Variants in DGLUCY observed in about 807,000 individuals in gnomAD.
DGLUCY encodes the protein D-glutamate cyclase, mitochondrial.
Under a neutral mutation model 58.5 loss-of-function variants are expected in DGLUCY, and 58 were observed. The ratio of observed to expected loss-of-function variants is 0.99; its 90% CI spans 0.80 to 1.23. The LOEUF is 1.23. DGLUCY is among the 50% of genes most tolerant of loss of function. DGLUCY has a pLI of 0.00. For missense variants in DGLUCY, 779 were observed against 784.7 expected (o/e 0.99, Z 0.09); for synonymous variants, 325 against 314.1 (o/e 1.03, Z -0.37).
intron 3 of DGLUCY, among the ~76,000 whole-genome samples, chr14:91,164,461 A>G (rs972483331): frequency 6.6e-6 from 1 of 152,078 alleles, no homozygotes; most frequent in Non-Finnish European, 1.5e-5. Flanking sequence ...ATCTGGGCTT[A>G]TTTGTAGTCC....
chr14:91,133,547 T>A (rs1186900691), intron 1 of DGLUCY, among the ~76,000 whole-genome samples: 1 of 152,180 alleles, frequency 6.6e-6, no homozygotes, highest in Non-Finnish European at 1.5e-5. Flanking sequence ...ATGTTTAATT[T>A]TTAAAAATTA....
chr14:91,127,906 C>A (rs184671714), intron 1 of DGLUCY, among the ~76,000 whole-genome samples: 1 of 151,760 alleles, frequency 6.6e-6, no homozygotes, highest in African/African-American at 2.4e-5. Context: ...GGCAGCACAC[C>A]CCAGGCACCT....
At chr14:91,085,363 C>A (rs534515026) in intron 1 of DGLUCY, among the ~76,000 whole-genome samples, 4 of 152,118 alleles carry the variant, frequency 2.6e-5, no homozygotes, top group African/African-American at 9.6e-5. Flanking sequence ...CTTCAAGGGC[C>A]AACTCAAAGG....
At chr14:91,071,331 C>A (rs1595606421) in intron 1 of DGLUCY, among the ~76,000 whole-genome samples, 2 of 104,292 alleles carry the variant, frequency 1.9e-5, no homozygotes, top group African/African-American at 3.4e-5. Context: ...AGCGAGATTC[C>A]ACCAAAAAAA....
In DGLUCY at chr14:91,170,208, ACACAGCC is replaced by A. The variant is rs770752089; in HGVS notation, c.456+19_456+25del. ...CCAGGCGGGTGCATACAAGGTAGGG[ACACAGCC>A]CACAGCCCACAAGGGCAGAATGGCC... On this transcript the variant is annotated splice_region_variant and intron_variant, in intron 5 of 13. Coordinates refer to ENST00000256324, the MANE Select transcript of DGLUCY (RefSeq NM_001102368.3). The A allele has an allele frequency of 1.5e-5, 24 of 1,612,264 alleles. No individual in the cohort carries two copies. The highest frequency in any genetic ancestry group is 2.0e-5 in the Non-Finnish European group (24 of 1,179,136).
intron 1 of DGLUCY, among the ~76,000 whole-genome samples, chr14:91,066,608 C>T (rs528634527): frequency 6.6e-6 from 1 of 152,100 alleles, no homozygotes; most frequent in Non-Finnish European, 1.5e-5. Flanking sequence ...AGCCCGGGCA[C>T]ATAGCATGAC....
intron 1 of DGLUCY, among the ~76,000 whole-genome samples, chr14:91,093,691 G>C (rs2044348913): frequency 6.6e-6 from 1 of 152,150 alleles, no homozygotes; most frequent in Non-Finnish European, 1.5e-5. Flanking sequence ...TGTAATCCCA[G>C]CTTCTTGGGA....
At chr14:91,174,793 G>A (rs1367069847) in intron 6 of DGLUCY, among the ~76,000 whole-genome samples, 2 of 152,172 alleles carry the variant, frequency 1.3e-5, no homozygotes, top group East Asian at 1.9e-4. Flanking sequence ...TCTGTAGGGG[G>A]GTGGCCTTGG....
chr14:91,095,177 G>A (rs2044374573), intron 1 of DGLUCY, among the ~76,000 whole-genome samples: 1 of 152,182 alleles, frequency 6.6e-6, no homozygotes, highest in Admixed American at 6.5e-5. Context: ...CAGAGCAGAT[G>A]TCCATCCTCG....
At chr14:91,204,987 T>C in intron 12 of DGLUCY, 162 bp downstream of exon 12, 3 of 924,908 alleles carry the variant, frequency 3.2e-6, no homozygotes, top group South Asian at 1.7e-5. Context: ...CATTCAGTCA[T>C]TCAACAAACA....
At chr14:91,204,940 G>T (rs1884300321) in intron 12 of DGLUCY, 115 bp downstream of exon 12, 6 of 1,394,308 alleles carry the variant, frequency 4.3e-6, no homozygotes, top group Non-Finnish European at 5.9e-6. Flanking sequence ...AGGGCACCAG[G>T]GCAGGGAGGG....
chr14:91,157,073 G>T (rs2047661976), intron 1 of DGLUCY, among the ~76,000 whole-genome samples: 1 of 147,578 alleles, frequency 6.8e-6, no homozygotes, highest in South Asian at 2.1e-4. Context: ...GTGGATGGAT[G>T]GATGGATGGA....
rs781285360 is a variant in DGLUCY, at chr14:91,176,083, G to T, written c.730+27G>T. ...TACGTTGGGGGATAATGGGACAATC[G>T]ATCTGCCCTAGGATGGAGCCCAGTG... On this transcript the variant is annotated intron_variant, in intron 7 of 13. Transcript: ENST00000256324. 1.9e-5 allele frequency: 30 copies of T among 1,612,366 alleles called. No individual in the cohort carries two copies. The Admixed American group carries it at 4.5e-4, about 24-fold the overall frequency.
chr14:91,165,104 C>T (rs976225837), intron 3 of DGLUCY: 9 of 361,998 alleles, frequency 2.5e-5, no homozygotes, highest in African/African-American at 1.9e-4. Context: ...AGTTCTTTCA[C>T]TCACTGACTT....
At chr14:91,184,054 C>G (rs1193734718) in intron 8 of DGLUCY, among the ~76,000 whole-genome samples, 1 of 151,926 alleles carries the variant, frequency 6.6e-6, no homozygotes, top group Non-Finnish European at 1.5e-5. Flanking sequence ...GTGGGAAGAT[C>G]TAGGTAGCTA....
chr14:91,098,331 T>G (rs908566105), intron 1 of DGLUCY, among the ~76,000 whole-genome samples: 8 of 151,556 alleles, frequency 5.3e-5, no homozygotes, highest in African/African-American at 1.9e-4. Flanking sequence ...ATGGTGCGCA[T>G]CTGTAAGTCC....
intron 8 of DGLUCY, among the ~76,000 whole-genome samples, chr14:91,188,025 C>T (rs1040874375): frequency 6.6e-6 from 1 of 151,978 alleles, no homozygotes; most frequent in African/African-American, 2.4e-5. Flanking sequence ...TTAGGGTTTG[C>T]TAGAGTGCTG....
intron 8 of DGLUCY, among the ~76,000 whole-genome samples, chr14:91,184,673 G>T (rs2049394727): frequency 7.6e-6 from 1 of 131,100 alleles, no homozygotes; most frequent in Non-Finnish European, 1.6e-5. Flanking sequence ...GGGAGGGAGG[G>T]AGGGAAGGAA....
chr14:91,103,811 A>AACAC (rs72140720), upstream of DGLUCY, among the ~76,000 whole-genome samples: 6,571 of 151,372 alleles, frequency 0.043, 167 homozygotes, highest in Middle Eastern at 0.075. Context: ...ACATATATGA[A>AACAC]ACACACACAC....
Sources: allele counts gnomAD v4.1 joint callset (sites outside exome capture counted in the v4.1 genomes callset), GRCh38; gene constraint gnomAD v4.1.1; transcripts MANE v1.5; gene names NCBI Gene and HGNC (gene_info 2026-07-23, HGNC 2026-07-21).